The following TRDN variants were observed in gnomAD, a reference collection of about 807,000 sequenced individuals.
TRDN encodes the protein triadin in skeletal muscle.
A neutral mutation model predicts 149.7 loss-of-function variants in TRDN; 161 were observed. The ratio of observed to expected loss-of-function variants is 1.08; its 90% CI spans 0.95 to 1.23. The LOEUF is 1.23. Ranked by LOEUF, TRDN falls within the 50% of genes most tolerant of loss-of-function variation. The probability of loss-of-function intolerance (pLI) is 0.00; values close to 1 mark genes in which losing one functional copy is unlikely to be tolerated. For missense variants in TRDN, 896 were observed against 823.5 expected (o/e 1.09, Z -1.08); for synonymous variants, 294 against 250.5 (o/e 1.17, Z -1.64).
At chr6:123,382,324 G>A (rs142891045) in intron 14 of TRDN, among the ~76,000 whole-genome samples, 177 bp from the exon 15 acceptor site, 124 of 151,622 alleles carry the variant, frequency 8.2e-4, no homozygotes, top group Non-Finnish European at 8.9e-4. Context: ...ATAAGTATTA[G>A]AGTGAAGCAG....
chr6:123,324,064 T>G (rs1283245740), intron 23 of TRDN, among the ~76,000 whole-genome samples: 2 of 152,172 alleles, frequency 1.3e-5, no homozygotes, highest in African/African-American at 2.4e-5. Flanking sequence ...AACCATTCAA[T>G]GAGTTCAGAA....
At chr6:123,473,174 G>A (rs969583240) in intron 9 of TRDN, among the ~76,000 whole-genome samples, 10 of 152,074 alleles carry the variant, frequency 6.6e-5, no homozygotes, top group Admixed American at 1.3e-4. Flanking sequence ...CAAACCAAAC[G>A]CAAAGAAGTT....
chr6:123,354,117 A>C (rs1780569052), intron 20 of TRDN, among the ~76,000 whole-genome samples: 1 of 151,816 alleles, frequency 6.6e-6, no homozygotes. Context: ...AGAACTGTGC[A>C]GTTTAGCCTG....
chr6:123,623,531 C>A (rs187453370), intron 1 of TRDN, among the ~76,000 whole-genome samples: 1 of 152,194 alleles, frequency 6.6e-6, no homozygotes, highest in East Asian at 1.9e-4. Context: ...ATCGTTGCAA[C>A]AAATTTTTCC....
chr6:123,429,015 A>AT (rs765297431), intron 12 of TRDN: 1 of 152,072 alleles, frequency 6.6e-6, no homozygotes, highest in Non-Finnish European at 1.5e-5. Flanking sequence ...TCTCTTCTGC[A>AT]TTTTTTCCTA....
intron 39 of TRDN, among the ~76,000 whole-genome samples, chr6:123,223,213 C>T (rs1171761516): frequency 1.3e-5 from 2 of 151,722 alleles, no homozygotes; most frequent in African/African-American, 2.4e-5. Flanking sequence ...AGCATGTTCT[C>T]ACTTAAAGTG....
rs1475860377 is a variant in TRDN, at chr6:123,446,229, A to C, written c.932-7226T>G. On this transcript the variant is annotated intron_variant, in intron 10 of 40. Transcript: ENST00000334268. ...GGAAGGGGAATATCACACTCTGGGG[A>C]CTGTTGTGGGGTGGGGGGAGTGGGG... is the stretch of plus-strand genomic sequence containing the variant. 4.1e-5 allele frequency among the ~76,000 whole-genome samples: 6 copies of C among 147,888 alleles called. No homozygotes were observed. In the East Asian group the frequency reaches 1.2e-3, roughly 30 times the overall value.
At chr6:123,519,473 G>GTTTTTTTTTTTTTTTTTTTTTTTT (rs762378636) in intron 5 of TRDN, among the ~76,000 whole-genome samples, 2 of 73,930 alleles carry the variant, frequency 2.7e-5, no homozygotes, top group African/African-American at 7.3e-5. Context: ...TGACCCTGTG[G>GTTTTTTTTTTTTTTTTTTTTTTTT]TTTTTTTTTT....
At chr6:123,612,685 G>A (rs979725954) in intron 1 of TRDN, among the ~76,000 whole-genome samples, 4 of 149,516 alleles carry the variant, frequency 2.7e-5, no homozygotes, top group Non-Finnish European at 4.4e-5. Context: ...CTACAGGCAC[G>A]CACCACTGTG....
chr6:123,295,621 A>G (rs1163668669), intron 24 of TRDN, among the ~76,000 whole-genome samples: 1 of 152,178 alleles, frequency 6.6e-6, no homozygotes, highest in Non-Finnish European at 1.5e-5. Context: ...CTCTTTCTAC[A>G]ATGCATCCAT....
chr6:123,296,223 C>T (rs1275193363), intron 24 of TRDN, among the ~76,000 whole-genome samples: 1 of 151,960 alleles, frequency 6.6e-6, no homozygotes, highest in Non-Finnish European at 1.5e-5. Context: ...TTTTTAAGAC[C>T]AGTGATTCTG....
At chr6:123,506,854 T>G (rs925351288) in intron 7 of TRDN, among the ~76,000 whole-genome samples, 3 of 152,188 alleles carry the variant, frequency 2.0e-5, no homozygotes, top group African/African-American at 7.2e-5. Context: ...TTCTGAATTT[T>G]TATTAAATTA....
chr6:123,515,597 C>T (rs182432512), intron 6 of TRDN, among the ~76,000 whole-genome samples: 1 of 151,494 alleles, frequency 6.6e-6, no homozygotes, highest in Middle Eastern at 3.4e-3. Flanking sequence ...TACAATAAAG[C>T]TCTGGAAGGA....
Position 123,331,868 on chromosome 6 carries a change from TATA to T in TRDN, c.1471+8_1471+10del, listed in dbSNP as rs1345401102. The T allele has an allele frequency of 1.3e-6, 2 of 1,523,516 alleles. No individual in the cohort carries two copies. The highest frequency in any genetic ancestry group is 4.9e-5 in the East Asian group (2 of 41,140). The allele number at this position is 1,523,516 out of a possible 1,614,324, so 94.4% of individuals were successfully genotyped here. A position where few individuals can be genotyped will look rare whatever the true frequency, so the allele number is the denominator to read the frequency against. ...ATCAATGTGGCTTCACATTTCATTG[TATA>T]ATATTACCTTTTTCCTTTAGGGAAG... On this transcript the variant is annotated splice_region_variant and intron_variant, in intron 23 of 40. Coordinates refer to ENST00000334268, the MANE Select transcript of TRDN (RefSeq NM_006073.4).
intron 24 of TRDN, among the ~76,000 whole-genome samples, chr6:123,305,738 T>C (rs899701854): frequency 1.3e-5 from 2 of 152,162 alleles, no homozygotes; most frequent in Admixed American, 1.3e-4. Context: ...GATAATGGCA[T>C]AATTAAAATT....
chr6:123,464,204 G>A, intron 10 of TRDN: 2 of 916,320 alleles, frequency 2.2e-6, no homozygotes, highest in Non-Finnish European at 2.6e-6. Context: ...CCATGTTTGG[G>A]ATTTAATAAA....
chr6:123,492,712 T>A (rs974151956), intron 9 of TRDN, among the ~76,000 whole-genome samples: 2 of 152,102 alleles, frequency 1.3e-5, no homozygotes, highest in African/African-American at 4.8e-5. Context: ...TGGCGGAATA[T>A]ACCTTGACCA....
At position 123,503,761 on chromosome 6, in the gene TRDN, C is replaced by A. The variant is rs761702716; in HGVS notation, c.751G>T (p.Glu251Ter). The A allele has an allele frequency of 6.2e-7, 1 of 1,613,542 alleles. No homozygotes were observed. Among genetic ancestry groups the A allele is most frequent in the Non-Finnish European group, 8.5e-7 (1 of 1,179,802 alleles). Reference sequence around the variant, plus strand: ...GACACAGCTGCTTTCTCTTTGTCCTCCTTTTCTTTGGGTTTTGATGGTGTT... The same window carrying A: ...GACACAGCTGCTTTCTCTTTGTCCTACTTTTCTTTGGGTTTTGATGGTGTT... ...QKTPSKPKEK[E>*]DKEKAAVSKH... The change falls in exon 8 of 41, where the codon GAG becomes TAG. Residue 251 changes from glutamate to a stop codon, truncating the protein, a stop_gained. Transcript: ENST00000334268. LOFTEE classifies it high-confidence loss of function.
intron 1 of TRDN, among the ~76,000 whole-genome samples, chr6:123,607,851 CT>C (rs558952808): frequency 0.065 from 8,535 of 130,340 alleles, 664 homozygotes; most frequent in African/African-American, 0.2. Context: ...CTCTTTTAGT[CT>C]TTTTTTTTTT....
Sources: gnomAD v4.1 joint callset for allele counts (sites outside exome capture counted in the v4.1 genomes callset) on GRCh38, gnomAD v4.1.1 for gene constraint, MANE v1.5 for transcripts, NCBI Gene and HGNC (gene_info 2026-07-23, HGNC 2026-07-21) for gene names.